The following ZNG1E variants were observed in gnomAD, a reference collection of about 807,000 sequenced individuals.
ZNG1E encodes zinc-regulated GTPase metalloprotein activator 1E.
At chr9:65,685,276 G>A in the ZNG1E span, among the ~76,000 whole-genome samples, 2 of 152,270 alleles carry the variant, frequency 1.3e-5, no homozygotes, top group African/African-American at 2.4e-5. Context: ...GAAGGTTGGG[G>A]TGGCTATGGC....
the ZNG1E span, among the ~76,000 whole-genome samples, chr9:65,656,707 T>A: frequency 2.6e-5 from 4 of 152,404 alleles, no homozygotes; most frequent in South Asian, 8.3e-4. Context: ...TTCAGTAATA[T>A]AAATGAAGGG....
chr9:65,662,136 T>A, the ZNG1E span, among the ~76,000 whole-genome samples: 1 of 152,240 alleles, frequency 6.6e-6, no homozygotes, highest in South Asian at 2.1e-4. Flanking sequence ...CAGAGAAGGA[T>A]GCAACATCAA....
chr9:65,727,395 A>G, the ZNG1E span, among the ~76,000 whole-genome samples: 1 of 143,758 alleles, frequency 7.0e-6, no homozygotes, highest in Non-Finnish European at 1.5e-5. Context: ...GTGGTACCTC[A>G]CATCTCAATA....
chr9:65,731,157 ATTT>A, the ZNG1E span, among the ~76,000 whole-genome samples: 2 of 151,408 alleles, frequency 1.3e-5, no homozygotes, highest in African/African-American at 4.8e-5. Flanking sequence ...TGGGTAGCTT[ATTT>A]TTTTGACCCT....
the ZNG1E span, among the ~76,000 whole-genome samples, chr9:65,691,642 A>AT: frequency 6.6e-6 from 1 of 152,252 alleles, no homozygotes; most frequent in Admixed American, 6.5e-5. Flanking sequence ...TATGTCCTTA[A>AT]TGTAATGTTA....
the ZNG1E span, among the ~76,000 whole-genome samples, chr9:65,667,503 A>G: frequency 6.6e-6 from 1 of 152,292 alleles, no homozygotes; most frequent in Non-Finnish European, 1.5e-5. Context: ...AAAATATCAA[A>G]GGAGAATAAG....
the ZNG1E span, among the ~76,000 whole-genome samples, chr9:65,664,068 C>T: frequency 6.6e-6 from 1 of 152,218 alleles, no homozygotes; most frequent in Non-Finnish European, 1.5e-5. Context: ...AATCATACTG[C>T]ATACTTATGA....
chr9:65,679,902 A>G, the ZNG1E span, among the ~76,000 whole-genome samples: 2 of 152,236 alleles, frequency 1.3e-5, no homozygotes, highest in Non-Finnish European at 2.9e-5. Context: ...TATGGACTCT[A>G]TTGCAACTCA....
At chr9:65,680,223 A>AT in the ZNG1E span, among the ~76,000 whole-genome samples, 9 of 152,048 alleles carry the variant, frequency 5.9e-5, no homozygotes, top group Non-Finnish European at 8.8e-5. Context: ...AAAATGTACT[A>AT]TTTTTTTCAG....
At chr9:65,700,025 A>G in the ZNG1E span, among the ~76,000 whole-genome samples, 6 of 150,620 alleles carry the variant, frequency 4.0e-5, no homozygotes, top group Admixed American at 2.0e-4. Context: ...TGAAATCTGA[A>G]CTTGCATAGT....
chr9:65,683,912 A>G, the ZNG1E span, among the ~76,000 whole-genome samples: 1 of 152,288 alleles, frequency 6.6e-6, no homozygotes, highest in African/African-American at 2.4e-5. Context: ...GTAAGAAAGA[A>G]AAATATATTG....
the ZNG1E span, among the ~76,000 whole-genome samples, chr9:65,665,235 C>T: frequency 4.6e-5 from 7 of 152,278 alleles, no homozygotes; most frequent in Admixed American, 3.9e-4. Flanking sequence ...CCTCCCATCA[C>T]AGGCCCAGAG....
chr9:65,674,004 G>A, the ZNG1E span, among the ~76,000 whole-genome samples: 1 of 152,250 alleles, frequency 6.6e-6, no homozygotes, highest in Non-Finnish European at 1.5e-5. Flanking sequence ...CCCTTAGGTT[G>A]CCAAAAAAAT....
the ZNG1E span, chr9:65,693,597 G>A: frequency 6.8e-6 from 5 of 740,434 alleles, no homozygotes. Context: ...TCACTCTGTT[G>A]CCCAGGCTGG....
the ZNG1E span, chr9:65,679,654 A>G: frequency 3.7e-6 from 1 of 273,002 alleles, no homozygotes; most frequent in Non-Finnish European, 7.0e-6. Context: ...TCCCGGGTTA[A>G]AGTGATTCTC....
the ZNG1E span, among the ~76,000 whole-genome samples, chr9:65,685,309 G>A: frequency 6.6e-6 from 1 of 152,248 alleles, no homozygotes; most frequent in Admixed American, 6.5e-5. Context: ...TAATAATGAA[G>A]TTTGCTGCAT....
the ZNG1E span, among the ~76,000 whole-genome samples, chr9:65,667,646 G>A: frequency 6.6e-6 from 1 of 152,152 alleles, no homozygotes; most frequent in African/African-American, 2.4e-5. Flanking sequence ...CCCTTTTGAA[G>A]ATATGATGAA....
the ZNG1E span, among the ~76,000 whole-genome samples, chr9:65,676,587 C>T: frequency 2.3e-3 from 343 of 151,144 alleles, 1 homozygote; most frequent in African/African-American, 7.9e-3. Context: ...TCCCCTTCCC[C>T]AGGAGCCAAA....
At chr9:65,675,514 G>A in the ZNG1E span, among the ~76,000 whole-genome samples, 4 of 149,682 alleles carry the variant, frequency 2.7e-5, no homozygotes, top group African/African-American at 1.0e-4. Flanking sequence ...TTTCCCCTAT[G>A]AATTAAAACT....
Sources: allele counts gnomAD v4.1 joint callset (sites outside exome capture counted in the v4.1 genomes callset), GRCh38; gene constraint gnomAD v4.1.1; transcripts MANE v1.5; gene names NCBI Gene and HGNC (gene_info 2026-07-23, HGNC 2026-07-21).